Variants in RADIL observed in about 807,000 individuals in gnomAD.
RADIL encodes the protein ras-associating and dilute domain-containing protein.
In RADIL, 99 loss-of-function variants were observed where a neutral mutation model predicts 97.6. The ratio of observed to expected loss-of-function variants is 1.01; its 90% CI spans 0.86 to 1.20. The LOEUF (loss-of-function observed/expected upper bound fraction) is 1.20, where lower values mean the gene tolerates loss of function less well. RADIL is among the 50% of genes most tolerant of loss of function. The pLI is 0.00. For missense variants in RADIL, 1,765 were observed against 1,498.9 expected, an observed-to-expected ratio of 1.18 and a Z score of -2.93; for synonymous variants, 803 against 691.8, an observed-to-expected ratio of 1.16 and a Z score of -2.52.
At chr7:4,805,404 CGG>C (rs988236473) in intron 10 of RADIL, 160 bp downstream of exon 10, 10 of 770,964 alleles carry the variant, frequency 1.3e-5, no homozygotes, top group Admixed American at 1.0e-4. Flanking sequence ...GGGGATGGGG[CGG>C]GGCGGGGGGG....
At chr7:4,800,456 G>A (rs1782044542) in intron 12 of RADIL, 146 bp from the exon 13 acceptor site, 2 of 915,592 alleles carry the variant, frequency 2.2e-6, no homozygotes, top group Admixed American at 7.3e-5. Context: ...CAGGCAGAAT[G>A]TGACCGGCAA....
At position 4,800,271 on chromosome 7, in the gene RADIL, G is replaced by GGGGCTGGAGGGGACTCCTCCGCAA; in HGVS notation, c.2858_2881dup (p.Leu953_Ala960dup). 5 of 1,526,812 alleles carry GGGGCTGGAGGGGACTCCTCCGCAA rather than the reference G, an allele frequency of 3.3e-6. No individual in the cohort carries two copies. The highest frequency in any genetic ancestry group is 1.4e-5 in the African/African-American group (1 of 71,710). 94.6% of individuals were successfully genotyped at this position (1,526,812 alleles called of 1,614,324 possible). On this transcript the variant is annotated inframe_insertion, in exon 13 of 15. Transcript: ENST00000399583. ...CTCGGTGCTGGAGCTGCGGCTGGAC[G>GGGGCTGGAGGGGACTCCTCCGCAA]GGGCTGGAGGGGACTCCTCCGCAAG...
intron 2 of RADIL, among the ~76,000 whole-genome samples, chr7:4,871,638 T>A (rs980488056): frequency 2.6e-5 from 4 of 152,066 alleles, no homozygotes; most frequent in Non-Finnish European, 4.4e-5. Flanking sequence ...TCAAGCCACA[T>A]CCACACTCCT....
intron 9 of RADIL, among the ~76,000 whole-genome samples, chr7:4,807,246 T>C (rs1488172654): frequency 6.6e-6 from 1 of 151,976 alleles, no homozygotes; most frequent in Non-Finnish European, 1.5e-5. Context: ...TCGGGCGTCG[T>C]GCAGGAGGGG....
chr7:4,825,696 T>C (rs1468802831), intron 5 of RADIL, among the ~76,000 whole-genome samples: 2 of 150,890 alleles, frequency 1.3e-5, no homozygotes, highest in Non-Finnish European at 2.9e-5. Flanking sequence ...ACCAACATGG[T>C]GAAACCCCGT....
rs1782091783 is a variant in RADIL, at chr7:4,801,716, C to T, written c.2779G>A (p.Gly927Arg). 1 of 1,610,040 alleles carries T rather than the reference C, an allele frequency of 6.2e-7. No individual in the cohort carries two copies. Among genetic ancestry groups the T allele is most frequent in the Non-Finnish European group, 8.5e-7 (1 of 1,178,992 alleles). Reference sequence around the variant, plus strand: ...CTCTGCCTCTCTGGGAGCGCTTTTCCACAGGGGCCGCCGGACTCTGGCCAG... The same window carrying T: ...CTCTGCCTCTCTGGGAGCGCTTTTCTACAGGGGCCGCCGGACTCTGGCCAG... ...PDWPESGGPCGKALPERQRNG... is the reference protein window; with the variant it reads ...PDWPESGGPCRKALPERQRNG... Residue 927 changes from glycine (G) to arginine (R), a missense_variant, in exon 12 of 15, where the codon GGA (glycine) becomes AGA (arginine). By Grantham distance (125) the Gly-to-Arg change is moderately radical. Coordinates refer to ENST00000399583, the MANE Select transcript of RADIL (RefSeq NM_018059.5).
In RADIL at chr7:4,879,968, C is replaced by T. The variant is rs1352110306; in HGVS notation, c.-64-1765G>A. Among the ~76,000 whole-genome samples the T allele has an allele frequency of 6.6e-6, 1 of 152,226 alleles. No homozygotes were observed. The highest frequency in any genetic ancestry group is 1.5e-5 in the Non-Finnish European group (1 of 68,040). The stretch of plus-strand genomic sequence containing the variant: ...CTTTCTCCGAGGACCTTGAACTCTT[C>T]AGAAATACTTCCGACAGCTTCGCAC... On this transcript the variant is annotated intron_variant, in intron 1 of 14. Coordinates refer to ENST00000399583, the MANE Select transcript of RADIL (RefSeq NM_018059.5). This position sits in a 1 kb window ranked among gnomAD's most constrained non-coding sequence, Gnocchi z 4.1.
At chr7:4,861,029 T>C (rs372190674) in intron 2 of RADIL, 1 of 1,614,094 alleles carries the variant, frequency 6.2e-7, no homozygotes, top group African/African-American at 1.3e-5. Flanking sequence ...TGCATTTGGA[T>C]AAAGCTGACA....
intron 6 of RADIL, among the ~76,000 whole-genome samples, chr7:4,820,951 G>A (rs764678990): frequency 5.3e-5 from 8 of 152,278 alleles, no homozygotes; most frequent in East Asian, 3.9e-4. Context: ...GGGTCCCAGC[G>A]CCCCCAACAC....
chr7:4,856,132 C>T (rs1783824728), intron 2 of RADIL, among the ~76,000 whole-genome samples: 1 of 150,052 alleles, frequency 6.7e-6, no homozygotes, highest in African/African-American at 2.5e-5. Context: ...CAGACTCTCA[C>T]CGTCACCCAG....
chr7:4,835,059 C>A lies in RADIL; in HGVS notation c.964G>T (p.Gly322Trp). 1.2e-6 allele frequency: 2 copies of A among 1,607,830 alleles called. No homozygotes were observed. Among genetic ancestry groups the A allele is most frequent in the Non-Finnish European group, 1.7e-6 (2 of 1,177,732 alleles). ...AGRLVLEPIP[G>W]AHISVNFSEV... Reference sequence around the variant, plus strand: ...GAGAAGTTGACGGAGATGTGCGCCCCGGGGATGGGCTCCAGGACCAGCCTC... The same window carrying A: ...GAGAAGTTGACGGAGATGTGCGCCCAGGGGATGGGCTCCAGGACCAGCCTC... The change falls in exon 4 of 15, where the codon GGG becomes TGG. Residue 322 changes from glycine (G) to tryptophan (W), a missense_variant. Transcript: ENST00000399583. The surrounding 1 kb of genome is among the most constrained non-coding windows in gnomAD (Gnocchi z 5.8).
At chr7:4,832,059 C>T in intron 5 of RADIL, 82 bp downstream of exon 5, 1 of 1,487,362 alleles carries the variant, frequency 6.7e-7, no homozygotes, top group East Asian at 2.3e-5. Context: ...GGGGAGACCC[C>T]TCGGGACTTG....
chr7:4,827,919 A>C (rs528816319), intron 5 of RADIL, among the ~76,000 whole-genome samples: 34 of 152,128 alleles, frequency 2.2e-4, no homozygotes, highest in Admixed American at 8.5e-4. Flanking sequence ...AACAAACAAA[A>C]AAAAACGTAG....
At chr7:4,809,136 G>T in intron 9 of RADIL, 1 of 985,110 alleles carries the variant, frequency 1.0e-6, no homozygotes, top group Non-Finnish European at 1.2e-6. Context: ...CCTGGCCTCA[G>T]CGTGGGGTGG....
intron 9 of RADIL, among the ~76,000 whole-genome samples, chr7:4,806,391 C>G (rs541546876): frequency 6.6e-6 from 1 of 152,206 alleles, no homozygotes; most frequent in South Asian, 2.1e-4. Context: ...TGGTCTCAAA[C>G]TCCACGGCTG....
rs981779210 is a variant in RADIL at position 4,872,748 on chromosome 7, C to T, written c.535+4857G>A. Among the ~76,000 whole-genome samples the T allele has an allele frequency of 6.6e-6, 1 of 152,138 alleles. No homozygotes were observed. Among genetic ancestry groups the T allele is most frequent in the Non-Finnish European group, 1.5e-5 (1 of 68,040 alleles). On this transcript the variant is annotated intron_variant, in intron 2 of 14. Coordinates refer to ENST00000399583, the MANE Select transcript of RADIL (RefSeq NM_018059.5). This position sits in a 1 kb window ranked among gnomAD's most constrained non-coding sequence, Gnocchi z 5.8. The stretch of plus-strand genomic sequence containing the variant: ...GGAAAACAAAAACCCAAAGTGCCTG[C>T]GTGCATTTCTACAGGGGGGTAGCAG...
rs1290676128 is a variant in RADIL at position 4,799,115 on chromosome 7, A to T, written c.*263T>A. ...CAGCAGGGCACCCTCTAAGAACGGG[A>T]AAAATAGTTTATTGAACCGTACTTC... On this transcript the variant is annotated 3_prime_UTR_variant, in exon 15 of 15. Transcript: ENST00000399583. 10 of 470,682 alleles carry T rather than the reference A, an allele frequency of 2.1e-5. No individual in the cohort carries two copies. Among genetic ancestry groups the T allele is most frequent in the Non-Finnish European group, 7.8e-6 (2 of 258,042 alleles). 29.2% of individuals were successfully genotyped at this position (470,682 alleles called of 1,614,324 possible). A position where few individuals can be genotyped will look rare whatever the true frequency, so the allele number is the denominator to read the frequency against.
rs750735530 is a variant in RADIL, at chr7:4,817,913, T to C, written c.1616-562A>G. ...GTTCCTGCCGTCTGGGTGGGGGCTC[T>C]TGTGAAGGTGGGAGGCCCCCAACAG... On this transcript the variant is annotated intron_variant, in intron 6 of 14. Transcript: ENST00000399583. This position sits in a 1 kb window ranked among gnomAD's most constrained non-coding sequence, Gnocchi z 8.3. Among the ~76,000 whole-genome samples, 58 of 152,256 alleles carry C rather than the reference T, an allele frequency of 3.8e-4. 1 individual carries two copies. Among genetic ancestry groups the C allele is most frequent in the Non-Finnish European group, 5.6e-4 (38 of 67,996 alleles).
chr7:4,816,263 G>A lies in RADIL; in HGVS notation c.1931C>T (p.Ser644Phe). 1 of 1,612,642 alleles carries A rather than the reference G, an allele frequency of 6.2e-7. No homozygotes were observed. Among genetic ancestry groups the A allele is most frequent in the South Asian group, 1.1e-5 (1 of 91,056 alleles). Residue 644 changes from serine to phenylalanine, a missense_variant, in exon 8 of 15, where the codon TCC becomes TTC. Coordinates refer to ENST00000399583, the MANE Select transcript of RADIL (RefSeq NM_018059.5). ...GAGCTGGTTGAGAAGCAGTGTCCCG[G>A]AGAAGAAGAAGAGGTAGGCGAGCAT... ...SQMLAYLFFF[S>F]GTLLLNQLLD... is the part of the protein sequence containing the mutation.
Sources: gnomAD v4.1 joint callset for allele counts (sites outside exome capture counted in the v4.1 genomes callset) on GRCh38, gnomAD v4.1.1 for gene constraint, Gnocchi (gnomAD v3.1) non-coding constraint, MANE v1.5 for transcripts, NCBI Gene and HGNC (gene_info 2026-07-23, HGNC 2026-07-21) for gene names.